The following DLGAP1 variants were observed in gnomAD, a reference collection of about 807,000 sequenced individuals.
DLGAP1 encodes the protein DLG associated protein 1.
A neutral mutation model predicts 90.8 loss-of-function variants in DLGAP1; 11 were observed. The observed-to-expected ratio is 0.12, with a 90% CI of 0.08 to 0.20. The LOEUF is 0.20. Among genes scored for constraint, DLGAP1 ranks in the 10% least tolerant of loss-of-function variants. The probability of loss-of-function intolerance (pLI) is 1.00; values close to 1 mark genes in which losing one functional copy is unlikely to be tolerated. For missense variants in DLGAP1, 1,050 were observed against 1,333.8 expected (o/e 0.79, Z 3.31); for synonymous variants, 558 against 540.7 (o/e 1.03, Z -0.44).
In DLGAP1 at chr18:4,454,602, C is replaced by T. The variant is rs913276886; in HGVS notation, c.-267+404G>A. On this transcript the variant is annotated intron_variant, in intron 1 of 12. Transcript: ENST00000315677. This position sits in a 1 kb window ranked among gnomAD's most constrained non-coding sequence, Gnocchi z 4.7. ...CGGGGAGCAGCCCCCTCCTCCCCTGCAAGGTGCATCGGGGGTGGGGTGGGG... is the reference window on the plus strand; with the variant it reads ...CGGGGAGCAGCCCCCTCCTCCCCTGTAAGGTGCATCGGGGGTGGGGTGGGG... Among the ~76,000 whole-genome samples the T allele has an allele frequency of 2.0e-4, 31 of 152,258 alleles. No homozygotes were observed. Among genetic ancestry groups the T allele is most frequent in the Admixed American group, 8.5e-4 (13 of 15,298 alleles).
chr18:4,122,596 AT>A (rs1451369256), intron 2 of DLGAP1, among the ~76,000 whole-genome samples: 3 of 152,220 alleles, frequency 2.0e-5, no homozygotes, highest in African/African-American at 7.2e-5. Context: ...ATTGTACTAA[AT>A]TCTAGGACCT....
intron 2 of DLGAP1, among the ~76,000 whole-genome samples, chr18:4,085,469 C>T (rs2075669101): frequency 6.6e-6 from 1 of 152,180 alleles, no homozygotes; most frequent in African/African-American, 2.4e-5. Flanking sequence ...ACAGGAGAAA[C>T]TTTCTTTACA....
intron 1 of DLGAP1, among the ~76,000 whole-genome samples, chr18:4,255,758 T>C (rs189466421): frequency 6.6e-6 from 1 of 152,194 alleles, no homozygotes; most frequent in Admixed American, 6.5e-5. Context: ...ATAAAAACTA[T>C]ACTTTTCCCC....
intron 11 of DLGAP1, 52 bp from the exon 12 acceptor site, chr18:3,502,697 C>A (rs956956843): frequency 6.4e-7 from 1 of 1,564,070 alleles, no homozygotes; most frequent in Admixed American, 2.0e-5. Flanking sequence ...TCTTGACAAG[C>A]ACAGGGCCAA....
At chr18:3,990,079 T>G (rs2073931106) in intron 3 of DLGAP1, among the ~76,000 whole-genome samples, 1 of 152,142 alleles carries the variant, frequency 6.6e-6, no homozygotes, top group Non-Finnish European at 1.5e-5. Context: ...GTGTGGTGAT[T>G]CCTCAGGGAT....
chr18:3,791,462 T>C (rs1484975716), intron 5 of DLGAP1, among the ~76,000 whole-genome samples: 1 of 152,152 alleles, frequency 6.6e-6, no homozygotes, highest in African/African-American at 2.4e-5. Context: ...CTGTCAAAGC[T>C]TAGTCTGCAC....
chr18:4,190,791 T>G (rs1366791434), intron 1 of DLGAP1, among the ~76,000 whole-genome samples: 5 of 152,166 alleles, frequency 3.3e-5, no homozygotes, highest in African/African-American at 4.8e-5. Flanking sequence ...TAAATGGCAG[T>G]CAGTTTTCTG....
intron 4 of DLGAP1, among the ~76,000 whole-genome samples, chr18:3,824,048 C>T (rs778283339): frequency 2.0e-5 from 3 of 151,408 alleles, no homozygotes; most frequent in African/African-American, 7.3e-5. Context: ...ACTTAGAGCC[C>T]CTTTTTAGTT....
chr18:3,997,849 T>G (rs542074020), intron 3 of DLGAP1, among the ~76,000 whole-genome samples: 2 of 152,278 alleles, frequency 1.3e-5, no homozygotes, highest in African/African-American at 4.8e-5. Flanking sequence ...GTTTACATCT[T>G]TTTTTCATAT....
At chr18:4,212,824 T>C (rs977975538) in intron 1 of DLGAP1, among the ~76,000 whole-genome samples, 1 of 152,098 alleles carries the variant, frequency 6.6e-6, no homozygotes, top group African/African-American at 2.4e-5. Context: ...ATCATATTTA[T>C]TATAATTTAC....
chr18:3,996,507 T>G (rs1025862), intron 3 of DLGAP1, among the ~76,000 whole-genome samples: 145,884 of 152,048 alleles, frequency 0.96, 69,995 homozygotes, highest in East Asian at 1. Context: ...TATAGCATTT[T>G]AATTGCATAG....
At chr18:3,951,167 G>C (rs2072977870) in intron 3 of DLGAP1, among the ~76,000 whole-genome samples, 1 of 152,214 alleles carries the variant, frequency 6.6e-6, no homozygotes, top group African/African-American at 2.4e-5. Context: ...ATCTAGAGCT[G>C]ATTTAAGCAT....
At chr18:4,030,504 C>A (rs1045061145) in intron 2 of DLGAP1, among the ~76,000 whole-genome samples, 5 of 152,214 alleles carry the variant, frequency 3.3e-5, no homozygotes, top group African/African-American at 1.2e-4. Flanking sequence ...AACATCTGAA[C>A]CTCCAGCCCA....
intron 1 of DLGAP1, among the ~76,000 whole-genome samples, chr18:4,393,834 A>C (rs1195503679): frequency 1.3e-5 from 2 of 152,186 alleles, no homozygotes; most frequent in Non-Finnish European, 2.9e-5. Context: ...TTAGATTCTC[A>C]TAAGAAGCGT....
chr18:4,272,046 G>T (rs2079296197), intron 1 of DLGAP1, among the ~76,000 whole-genome samples: 1 of 152,080 alleles, frequency 6.6e-6, no homozygotes, highest in Non-Finnish European at 1.5e-5. Flanking sequence ...ACTGTATTCA[G>T]ATATTTTAAT....
rs114600572 is a variant in DLGAP1, at chr18:4,289,042, G to C, written c.-266-137755C>G. Reference sequence around the variant, plus strand: ...TCTGGACAAATATGAAAATGAAAACGGAATAACAGATAAATCTTCAGCCCA... The same window carrying C: ...TCTGGACAAATATGAAAATGAAAACCGAATAACAGATAAATCTTCAGCCCA... On this transcript the variant is annotated intron_variant, in intron 1 of 12. Transcript: ENST00000315677. 7.9e-3 allele frequency among the ~76,000 whole-genome samples: 1,205 copies of C among 152,166 alleles called. 17 individuals are homozygous for C. The highest frequency in any genetic ancestry group is 0.026 in the African/African-American group (1,090 of 41,508).
At chr18:4,251,643 G>T (rs1343701117) in intron 1 of DLGAP1, among the ~76,000 whole-genome samples, 1 of 152,112 alleles carries the variant, frequency 6.6e-6, no homozygotes, top group African/African-American at 2.4e-5. Flanking sequence ...TACAATCCCT[G>T]GTACAAATAC....
chr18:3,750,710 G>A (rs1176003606), intron 5 of DLGAP1, among the ~76,000 whole-genome samples: 2 of 152,186 alleles, frequency 1.3e-5, no homozygotes, highest in Admixed American at 6.5e-5. Context: ...AACCACAGGA[G>A]AAACTCTAAA....
chr18:4,164,645 T>A (rs1036475704), intron 1 of DLGAP1, among the ~76,000 whole-genome samples: 2 of 151,650 alleles, frequency 1.3e-5, no homozygotes, highest in Admixed American at 6.6e-5. Context: ...GCACCACTGC[T>A]CCCCAGCCTG....
Sources: allele counts gnomAD v4.1 joint callset (sites outside exome capture counted in the v4.1 genomes callset), GRCh38; gene constraint gnomAD v4.1.1; non-coding constraint Gnocchi (gnomAD v3.1); transcripts MANE v1.5; gene names NCBI Gene and HGNC (gene_info 2026-07-23, HGNC 2026-07-21).